The following PPTC7 variants were observed in gnomAD, a reference collection of about 807,000 sequenced individuals.
The protein encoded by PPTC7 is protein phosphatase targeting COQ7.
PPTC7 carries 6 observed loss-of-function variants against 30.8 expected under a neutral mutation model. The observed-to-expected ratio is 0.19, with a 90% CI of 0.11 to 0.38. The LOEUF is 0.38. Among genes scored for constraint, PPTC7 ranks in the 10% least tolerant of loss-of-function variants. The pLI, the probability that PPTC7 is intolerant of heterozygous loss-of-function variation, is 1.00. For missense variants in PPTC7, 218 were observed against 404.8 expected (o/e 0.54, Z 3.96); for synonymous variants, 163 against 168.1 (o/e 0.97, Z 0.23).
intron 3 of PPTC7, 104 bp downstream of exon 3, chr12:110,545,776 T>C: frequency 9.9e-7 from 1 of 1,010,680 alleles, no homozygotes; most frequent in Non-Finnish European, 1.5e-6. Context: ...TCTCAGTGTA[T>C]TCTTTTCATG....
At position 110,562,812 on chromosome 12, in the gene PPTC7, G is replaced by GA. The variant is rs796919101; in HGVS notation, c.224-10845dup. On this transcript the variant is annotated intron_variant, in intron 1 of 5. Coordinates refer to ENST00000354300, the MANE Select transcript of PPTC7 (RefSeq NM_139283.2). ...TGTCTCAAAAAAGAAAAAAGAAGAG[G>GA]AAAAAAAAAAAGAAGAAAGATGTTT... Among the ~76,000 whole-genome samples, 1,211 of 141,724 alleles carry GA rather than the reference G, an allele frequency of 8.5e-3. 19 individuals are homozygous for GA. The highest frequency in any genetic ancestry group is 0.029 in the African/African-American group (1,135 of 38,666). 93.0% of individuals were successfully genotyped at this position (141,724 alleles called of 152,430 possible).
chr12:110,579,177 C>T (rs532556018), intron 1 of PPTC7, among the ~76,000 whole-genome samples: 1 of 151,920 alleles, frequency 6.6e-6, no homozygotes, highest in Admixed American at 6.6e-5. Context: ...TCACCTTTTA[C>T]GGTATCAACT....
intron 1 of PPTC7, among the ~76,000 whole-genome samples, chr12:110,554,190 TAG>T (rs989933392): frequency 1.3e-5 from 2 of 152,208 alleles, no homozygotes; most frequent in Non-Finnish European, 2.9e-5. Context: ...TTATTATTTT[TAG>T]AGACAGTGGC....
rs1375466750 is a variant in PPTC7 at position 110,533,594 on chromosome 12, G to T, written c.*3443C>A. The T allele has an allele frequency of 6.6e-6, 1 of 152,098 alleles. No homozygotes were observed. Among genetic ancestry groups the T allele is most frequent in the Non-Finnish European group, 1.5e-5 (1 of 68,016 alleles). 9.4% of individuals were successfully genotyped at this position (152,098 alleles called of 1,614,324 possible). ...TGTTTTGTTTCATAAGCAGATTTTG[G>T]TTTTTTGATACTGTAAAATTTTTAA... On this transcript the variant is annotated 3_prime_UTR_variant, in exon 6 of 6. Coordinates refer to ENST00000354300, the MANE Select transcript of PPTC7 (RefSeq NM_139283.2).
chr12:110,543,034 G>C (rs1271812964), intron 3 of PPTC7, among the ~76,000 whole-genome samples: 1 of 152,160 alleles, frequency 6.6e-6, no homozygotes, highest in Non-Finnish European at 1.5e-5. Context: ...CTGTAATTAA[G>C]GAACAAGAGC....
At position 110,583,033 on chromosome 12, in the gene PPTC7, G is replaced by A; in HGVS notation, c.-2C>T. On this transcript the variant is annotated 5_prime_UTR_variant, in exon 1 of 6. Coordinates refer to ENST00000354300, the MANE Select transcript of PPTC7 (RefSeq NM_139283.2). ...CCCGTACGAGAGGACCGAGAACATC[G>A]CCGCCGCCGCCCCCCCGAGGAGGCG... The A allele has an allele frequency of 7.1e-7, 1 of 1,399,782 alleles. No homozygotes were observed. The highest frequency in any genetic ancestry group is 1.6e-5 in the South Asian group (1 of 62,598). The allele number at this position is 1,399,782 out of a possible 1,614,324, so 86.7% of individuals were successfully genotyped here.
At chr12:110,537,448 T>C (rs1225565197) in intron 5 of PPTC7, among the ~76,000 whole-genome samples, 1 of 152,244 alleles carries the variant, frequency 6.6e-6, no homozygotes, top group East Asian at 1.9e-4. Flanking sequence ...ACATATCCAA[T>C]GTTTTGAAAC....
At chr12:110,540,713 A>G (rs2064252354) in intron 3 of PPTC7, among the ~76,000 whole-genome samples, 1 of 151,616 alleles carries the variant, frequency 6.6e-6, no homozygotes, top group Non-Finnish European at 1.5e-5. Flanking sequence ...GAATATTTGA[A>G]TCTGGGTCCT....
At chr12:110,544,822 G>A (rs1457242316) in intron 3 of PPTC7, among the ~76,000 whole-genome samples, 1 of 152,078 alleles carries the variant, frequency 6.6e-6, no homozygotes, top group Non-Finnish European at 1.5e-5. Flanking sequence ...AACAAGAGCA[G>A]GACTCTGTCT....
intron 2 of PPTC7, among the ~76,000 whole-genome samples, chr12:110,550,880 C>A (rs2064345361): frequency 6.6e-6 from 1 of 152,192 alleles, no homozygotes. Context: ...CTGAATTTTG[C>A]AGGCCAGACC....
chr12:110,567,913 C>T (rs2064498726), intron 1 of PPTC7, among the ~76,000 whole-genome samples: 1 of 152,112 alleles, frequency 6.6e-6, no homozygotes, highest in African/African-American at 2.4e-5. Flanking sequence ...TTCTGAACAC[C>T]TTTTAAATTC....
At chr12:110,572,228 G>A (rs999614920) in intron 1 of PPTC7, among the ~76,000 whole-genome samples, 8 of 152,116 alleles carry the variant, frequency 5.3e-5, no homozygotes, top group African/African-American at 7.2e-5. Context: ...GGTGGATCAC[G>A]AGGTCAGGAG....
chr12:110,578,065 G>A (rs2135798232), intron 1 of PPTC7, among the ~76,000 whole-genome samples: 1 of 152,302 alleles, frequency 6.6e-6, no homozygotes, highest in South Asian at 2.1e-4. Context: ...ACTGAGATAG[G>A]TGTCAGCCTC....
chr12:110,540,895 C>A (rs763391874), intron 3 of PPTC7, among the ~76,000 whole-genome samples: 1 of 151,832 alleles, frequency 6.6e-6, no homozygotes, highest in Admixed American at 6.6e-5. Context: ...CCTGGCGCAG[C>A]CTCCCGAGTA....
Position 110,538,170 on chromosome 12 carries a change from G to A in PPTC7, c.830C>T (p.Ala277Val), listed in dbSNP as rs2064232840. 1 of 1,613,996 alleles carries A rather than the reference G, an allele frequency of 6.2e-7. No individual in the cohort carries two copies. The change falls in exon 5 of 6, where the codon GCA (alanine) becomes GTA (valine). Residue 277 changes from alanine to valine, a missense_variant. Ala to Val is a moderately conservative substitution (Grantham distance 64). Coordinates refer to ENST00000354300, the MANE Select transcript of PPTC7 (RefSeq NM_139283.2). ...TCTCACATTCAATCCATTGTCACATGCAAACTGTGCAAAAGGTGACATATA... is the reference window on the plus strand; with the variant it reads ...TCTCACATTCAATCCATTGTCACATACAAACTGTGCAAAAGGTGACATATA... ...PNYMSPFAQF[A>V]CDNGLNVRGG... is the part of the protein sequence containing the mutation.
intron 3 of PPTC7, among the ~76,000 whole-genome samples, chr12:110,540,321 C>CTTTTTTTTT: frequency 9.5e-6 from 1 of 105,012 alleles, no homozygotes; most frequent in Non-Finnish European, 1.8e-5. Context: ...CCCCCCCCGC[C>CTTTTTTTTT]TTTTTTTTTT....
In PPTC7 at chr12:110,538,167, C is replaced by A. The variant is rs776878093; in HGVS notation, c.833G>T (p.Cys278Phe). The change falls in exon 5 of 6, where the codon TGT becomes TTT. Residue 278 changes from cysteine (C) to phenylalanine (F), a missense_variant. Coordinates refer to ENST00000354300, the MANE Select transcript of PPTC7 (RefSeq NM_139283.2). ...NYMSPFAQFA[C>F]DNGLNVRGGK... ...ACCTCTCACATTCAATCCATTGTCA[C>A]ATGCAAACTGTGCAAAAGGTGACAT... 7.4e-6 allele frequency: 12 copies of A among 1,614,186 alleles called. No homozygotes were observed. The highest frequency in any genetic ancestry group is 1.0e-5 in the Non-Finnish European group (12 of 1,180,030).
chr12:110,568,463 A>C (rs1487047080), intron 1 of PPTC7, among the ~76,000 whole-genome samples: 1 of 152,086 alleles, frequency 6.6e-6, no homozygotes, highest in Non-Finnish European at 1.5e-5. Context: ...CATGTTAGCC[A>C]GGATGGTCTC....
At chr12:110,544,815 A>G (rs2064292142) in intron 3 of PPTC7, among the ~76,000 whole-genome samples, 1 of 152,154 alleles carries the variant, frequency 6.6e-6, no homozygotes, top group Non-Finnish European at 1.5e-5. Context: ...CCTGGGCAAC[A>G]AGAGCAGGAC....
Sources: allele counts gnomAD v4.1 joint callset (sites outside exome capture counted in the v4.1 genomes callset), GRCh38; gene constraint gnomAD v4.1.1; transcripts MANE v1.5; gene names NCBI Gene and HGNC (gene_info 2026-07-23, HGNC 2026-07-21).